MED23: variants seen among roughly 807,000 people sequenced by gnomAD.
MED23 encodes the protein mediator complex subunit 23, also known as mediator of RNA polymerase II transcription subunit 23.
In MED23, 105 loss-of-function variants were observed where a neutral mutation model predicts 163.9. The observed-to-expected ratio is 0.64, with a 90% confidence interval of 0.55 to 0.75. The LOEUF (loss-of-function observed/expected upper bound fraction) is 0.75, where lower values mean the gene tolerates loss of function less well. Among genes scored for constraint, MED23 ranks in the 30% least tolerant of loss-of-function variants. The pLI is 0.00. For synonymous variants in MED23, 561 were observed against 565.6 expected (o/e 0.99, Z 0.12); for missense variants, 1,054 against 1,649.0 (o/e 0.64, Z 6.25).
chr6:131,581,429 T>C (rs759048430), intron 30 of MED23: 1 of 1,555,318 alleles, frequency 6.4e-7, no homozygotes, highest in South Asian at 1.2e-5. Context: ...TTAGTAGACA[T>C]TCAGGAGGTG....
Position 131,604,297 on chromosome 6 carries a change from C to T in MED23, c.1637G>A (p.Arg546Lys). The T allele has an allele frequency of 6.2e-7, 1 of 1,613,712 alleles. No homozygotes were observed. Among genetic ancestry groups the T allele is most frequent in the Non-Finnish European group, 8.5e-7 (1 of 1,179,766 alleles). The part of the protein sequence containing the change: ...KMSLIHSIAT[R>K]VIKLAHAKSS... ...CTTTGCATGAGCAAGTTTTATCACCCTGGTTGCAATGCTGTGAATAAGGCT... is the reference window on the plus strand; with the variant it reads ...CTTTGCATGAGCAAGTTTTATCACCTTGGTTGCAATGCTGTGAATAAGGCT... The change falls in exon 15 of 29, where the codon AGG becomes AAG. Residue 546 changes from arginine (R) to lysine (K), a missense_variant. Around this residue, in one of 11 missense-constraint regions of MED23, gnomAD observed 54 missense variants for 89.8 expected, o/e 0.60. Transcript: ENST00000368068.
chr6:131,594,149 C>G lies in MED23; in HGVS notation c.3182G>C (p.Trp1061Ser). ...CAMNAREENP[W>S]VPDDTYYCRL... is the part of the protein sequence containing the mutation. ...GCAATAGTAGGTGTCATCTGGAACC[C>G]AAGGATTTTCCTCTCGTGCATTCAT... Residue 1061 changes from tryptophan (W) to serine (S), a missense_variant, in exon 23 of 29, where the codon TGG (tryptophan) becomes TCG (serine). Physicochemically the swap from Trp to Ser is radical, Grantham distance 177 (BLOSUM62 -3). Transcript: ENST00000368068. The G allele has an allele frequency of 1.2e-6, 2 of 1,614,072 alleles. No homozygotes were observed. Among genetic ancestry groups the G allele is most frequent in the Non-Finnish European group, 1.7e-6 (2 of 1,180,024 alleles).
At chr6:131,608,862 T>C (rs1776054570) in intron 11 of MED23, among the ~76,000 whole-genome samples, 1 of 152,220 alleles carries the variant, frequency 6.6e-6, no homozygotes, top group Admixed American at 6.5e-5. Flanking sequence ...ATGTCTAAAA[T>C]TTTTGACAAA....
At chr6:131,576,448 A>G (rs1394216004) in intron 30 of MED23, among the ~76,000 whole-genome samples, 1 of 152,208 alleles carries the variant, frequency 6.6e-6, no homozygotes, top group Non-Finnish European at 1.5e-5. Flanking sequence ...TGAAAACCAT[A>G]TAACCTTTGT....
At chr6:131,616,295 C>G (rs1388158161) in intron 9 of MED23, among the ~76,000 whole-genome samples, 2 of 152,096 alleles carry the variant, frequency 1.3e-5, no homozygotes, top group African/African-American at 4.8e-5. Context: ...AGTGCACTTT[C>G]TACTATCCTT....
At position 131,594,140 on chromosome 6, in the gene MED23, T is replaced by C; in HGVS notation, c.3191A>G (p.Asp1064Gly). The C allele has an allele frequency of 6.2e-7, 1 of 1,614,172 alleles. No homozygotes were observed. The stretch of plus-strand genomic sequence containing the variant: ...AATCAATCTGCAATAGTAGGTGTCA[T>C]CTGGAACCCAAGGATTTTCCTCTCG... ...NAREENPWVP[D>G]DTYYCRLIGR... is the part of the protein sequence containing the mutation. Residue 1064 changes from aspartate (D) to glycine (G), a missense_variant, in exon 23 of 29, where the codon GAT (aspartate) becomes GGT (glycine). This residue lies in a region of MED23 where 362 missense variants were observed against 471.6 expected (regional missense o/e 0.77). Transcript: ENST00000368068.
At chr6:131,608,834 C>A (rs1287544767) in intron 11 of MED23, among the ~76,000 whole-genome samples, 1 of 152,200 alleles carries the variant, frequency 6.6e-6, no homozygotes, top group Non-Finnish European at 1.5e-5. Context: ...TGTAAAACAA[C>A]TTTTATTCCC....
intron 15 of MED23, among the ~76,000 whole-genome samples, chr6:131,603,406 C>CT (rs1480165439): frequency 4.6e-5 from 7 of 152,016 alleles, no homozygotes; most frequent in Non-Finnish European, 8.8e-5. Flanking sequence ...ATCAAGTTTG[C>CT]TTTTTTCCTG....
intron 25 of MED23, chr6:131,592,121 A>G (rs1774688664): frequency 8.2e-6 from 4 of 488,018 alleles, no homozygotes; most frequent in South Asian, 7.5e-5. Flanking sequence ...TGTAAAAACT[A>G]AAGTTGGATA....
intron 5 of MED23, 133 bp downstream of exon 5, chr6:131,623,218 G>A: frequency 3.8e-6 from 3 of 790,344 alleles, no homozygotes; most frequent in Non-Finnish European, 6.4e-6. Flanking sequence ...ATCTTTTCAG[G>A]AAATATACCA....
chr6:131,596,030 A>G lies in MED23; in HGVS notation c.2912T>C (p.Ile971Thr). 6.2e-7 allele frequency: 1 copy of G among 1,614,038 alleles called. No individual in the cohort carries two copies. Among genetic ancestry groups the G allele is most frequent in the Non-Finnish European group, 8.5e-7 (1 of 1,179,960 alleles). Reference protein sequence around the residue: ...LRFLPVFDIVIHRFLELLPVS... With the variant: ...LRFLPVFDIVTHRFLELLPVS... ...CGGAAGCAACTCTAAAAATCTGTGGATTACTATATCAAATACTGGAAGGAA... is the reference window on the plus strand; with the variant it reads ...CGGAAGCAACTCTAAAAATCTGTGGGTTACTATATCAAATACTGGAAGGAA... The change falls in exon 22 of 29, where the codon ATC becomes ACC. Residue 971 changes from isoleucine (I) to threonine (T), a missense_variant. Around this residue, in one of 11 missense-constraint regions of MED23, gnomAD observed 228 missense variants for 461.3 expected, o/e 0.49. Transcript: ENST00000368068.
intron 3 of MED23, among the ~76,000 whole-genome samples, chr6:131,626,348 A>G (rs1424755066): frequency 6.6e-6 from 1 of 152,082 alleles, no homozygotes; most frequent in Non-Finnish European, 1.5e-5. Context: ...GAAACTTAGA[A>G]GACAGTAGAA....
intron 12 of MED23, among the ~76,000 whole-genome samples, chr6:131,607,225 G>C (rs1266844497): frequency 6.6e-6 from 1 of 151,380 alleles, no homozygotes; most frequent in Non-Finnish European, 1.5e-5. Flanking sequence ...GTGCATGGTG[G>C]GGTTACAGCT....
chr6:131,589,863 A>T (rs2114579953), intron 27 of MED23, among the ~76,000 whole-genome samples: 1 of 152,350 alleles, frequency 6.6e-6, no homozygotes, highest in African/African-American at 2.4e-5. Context: ...CAAGAGATAA[A>T]CAATCCCCTT....
chr6:131,627,953 G>A (rs1585589640), intron 1 of MED23, 58 bp downstream of exon 1: 1 of 1,609,128 alleles, frequency 6.2e-7, no homozygotes, highest in African/African-American at 1.3e-5. Flanking sequence ...TTGGTCGGCT[G>A]CCCCCGCGTC....
intron 11 of MED23, among the ~76,000 whole-genome samples, chr6:131,608,871 A>T (rs957234023): frequency 1.3e-5 from 2 of 152,244 alleles, no homozygotes; most frequent in Non-Finnish European, 2.9e-5. Flanking sequence ...ATTTTTGACA[A>T]AAAATGTCTT....
intron 4 of MED23, among the ~76,000 whole-genome samples, chr6:131,623,792 A>T (rs1163341541): frequency 6.6e-6 from 1 of 152,160 alleles, no homozygotes; most frequent in Non-Finnish European, 1.5e-5. Context: ...TAGCCATGCC[A>T]AACTGTGAGT....
intron 7 of MED23, 70 bp downstream of exon 7, chr6:131,620,557 TC>T (rs1410530527): frequency 3.0e-6 from 3 of 1,009,848 alleles, no homozygotes; most frequent in Non-Finnish European, 4.7e-6. Flanking sequence ...CACCTTTGCC[TC>T]CCAAAGTGCT....
chr6:131,589,745 G>A lies in MED23; in HGVS notation c.3808-149C>T, dbSNP rs531394944. 60 of 740,980 alleles carry A rather than the reference G, an allele frequency of 8.1e-5. No individual in the cohort carries two copies. In the Admixed American group the frequency reaches 8.9e-4, roughly 11 times the overall value. The allele number at this position is 740,980 out of a possible 1,614,324, so 45.9% of individuals were successfully genotyped here. ...ATACCATATACACCTCTATGCACAT[G>A]AGATATGATATGGCTTGCATTTATA... On this transcript the variant is annotated intron_variant, in intron 27 of 28. Coordinates refer to ENST00000368068, the MANE Select transcript of MED23 (RefSeq NM_004830.4).
Sources: allele counts gnomAD v4.1 joint callset (sites outside exome capture counted in the v4.1 genomes callset), GRCh38; gene constraint gnomAD v4.1.1; regional missense constraint gnomAD v4.1.1; transcripts MANE v1.5; gene names NCBI Gene and HGNC (gene_info 2026-07-23, HGNC 2026-07-21).